MYO1F: variants seen among roughly 807,000 people sequenced by gnomAD.
The protein encoded by MYO1F is unconventional myosin-If.
MYO1F carries 60 observed loss-of-function variants against 146.6 expected under a neutral mutation model. The ratio of observed to expected loss-of-function variants is 0.41; its 90% CI spans 0.33 to 0.51. The LOEUF (loss-of-function observed/expected upper bound fraction) is 0.51. Among genes scored for constraint, MYO1F ranks in the 20% least tolerant of loss-of-function variants. The pLI is 0.25. For synonymous variants in MYO1F, 602 were observed against 602.1 expected (o/e 1.00, Z 0.00); for missense variants, 1,274 against 1,534.3 (o/e 0.83, Z 2.83).
chr19:8,544,718 C>A lies in MYO1F; in HGVS notation c.1357-254G>T, dbSNP rs562205481. On this transcript the variant is annotated intron_variant, in intron 13 of 27. Coordinates refer to ENST00000644032, the MANE Select transcript of MYO1F (RefSeq NM_012335.4). Reference sequence around the variant, plus strand: ...GCTGAGGTGCAGAAGTGGGTGGGGACCCCTCAAGAGATTCAGGCCCCAGAC... The same window carrying A: ...GCTGAGGTGCAGAAGTGGGTGGGGAACCCTCAAGAGATTCAGGCCCCAGAC... Among the ~76,000 whole-genome samples the A allele has an allele frequency of 2.9e-3, 434 of 152,150 alleles. 3 individuals carry two copies. The highest frequency in any genetic ancestry group is 0.01 in the African/African-American group (419 of 41,500).
rs966404946 is a variant in MYO1F at position 8,563,691 on chromosome 19, T to G, written c.4-7895A>C. On this transcript the variant is annotated intron_variant, in intron 1 of 27. Coordinates refer to ENST00000644032, the MANE Select transcript of MYO1F (RefSeq NM_012335.4). ...GCCCAGCTAATTTTTTTTGTATTTTTAGTAGAGATGGGCTTTCACTATGTT... is the reference window on the plus strand; with the variant it reads ...GCCCAGCTAATTTTTTTTGTATTTTGAGTAGAGATGGGCTTTCACTATGTT... Among the ~76,000 whole-genome samples the G allele has an allele frequency of 2.5e-4, 38 of 151,596 alleles. 1 individual carries two copies. Among genetic ancestry groups the G allele is most frequent in the Admixed American group, 1.2e-3 (18 of 15,162 alleles).
At chr19:8,541,802 T>C in intron 15 of MYO1F, 104 bp downstream of exon 15, 1 of 1,050,890 alleles carries the variant, frequency 9.5e-7, no homozygotes, top group Non-Finnish European at 1.5e-6. Context: ...CCCCTCGAGT[T>C]TGTGGCGAGA....
At chr19:8,553,032 C>CA in intron 6 of MYO1F, 107 bp downstream of exon 6, 1 of 1,113,876 alleles carries the variant, frequency 9.0e-7, no homozygotes, top group Non-Finnish European at 1.4e-6. Context: ...GCTGGGTTTT[C>CA]AATGGACTCT....
intron 19 of MYO1F, among the ~76,000 whole-genome samples, chr19:8,533,210 G>T (rs1340258694): frequency 6.6e-6 from 1 of 151,736 alleles, no homozygotes; most frequent in Admixed American, 6.6e-5. Context: ...TGGTAGAGAG[G>T]TAGAGTTGGG....
intron 22 of MYO1F, 83 bp from the exon 23 acceptor site, chr19:8,527,018 G>T: frequency 6.4e-7 from 1 of 1,565,324 alleles, no homozygotes. Context: ...GGCTGAAGGT[G>T]GATTTAGGGA....
At chr19:8,561,614 T>C (rs942636419) in intron 1 of MYO1F, among the ~76,000 whole-genome samples, 13 of 143,446 alleles carry the variant, frequency 9.1e-5, no homozygotes, top group African/African-American at 3.3e-4. Flanking sequence ...TTTTTCTTTC[T>C]CTCTTTCTTT....
In MYO1F at chr19:8,545,630, A is replaced by G. The variant is rs879199500; in HGVS notation, c.1356+20T>C. The G allele has an allele frequency of 6.2e-7, 1 of 1,608,364 alleles. No homozygotes were observed. Among genetic ancestry groups the G allele is most frequent in the Non-Finnish European group, 8.5e-7 (1 of 1,174,820 alleles). On this transcript the variant is annotated intron_variant, in intron 13 of 27. Transcript: ENST00000644032. ...AGGGGACCAGTGAGACGCCCCCGCC[A>G]AAGTTGACCCAGCCCTCACCAGCTT...
chr19:8,545,511 T>G lies in MYO1F; in HGVS notation c.1356+139A>C, dbSNP rs2967777. On this transcript the variant is annotated intron_variant, in intron 13 of 27. Coordinates refer to ENST00000644032, the MANE Select transcript of MYO1F (RefSeq NM_012335.4). ...GGGGCGGAAGGGACATTTTGGTTGT[T>G]ATCTGTCGCTGGAAGTCCTGAGTGT... is the stretch of plus-strand genomic sequence containing the variant. 0.21 allele frequency: 162,803 copies of G among 767,276 alleles called. 26,058 individuals are homozygous for G. The highest frequency in any genetic ancestry group is 0.69 in the African/African-American group (40,298 of 58,688). The allele number at this position is 767,276 out of a possible 1,614,324, so 47.5% of individuals were successfully genotyped here.
intron 1 of MYO1F, among the ~76,000 whole-genome samples, chr19:8,575,270 T>C (rs985094375): frequency 6.6e-6 from 1 of 151,390 alleles, no homozygotes; most frequent in East Asian, 2.0e-4. Flanking sequence ...AGAGACGGGG[T>C]CTCACCACGT....
At chr19:8,540,950 G>C (rs1416167387) in intron 15 of MYO1F, among the ~76,000 whole-genome samples, 1 of 152,042 alleles carries the variant, frequency 6.6e-6, no homozygotes, top group Non-Finnish European at 1.5e-5. Context: ...ATCAGATGCA[G>C]ATTCTGATTC....
intron 19 of MYO1F, among the ~76,000 whole-genome samples, chr19:8,531,222 C>T (rs912408267): frequency 5.3e-5 from 8 of 151,744 alleles, no homozygotes; most frequent in Non-Finnish European, 1.0e-4. Flanking sequence ...TGGCACATGC[C>T]TGTAATACCA....
Position 8,577,282 on chromosome 19 carries a change from CA to C in MYO1F, c.3+24del. The C allele has an allele frequency of 6.2e-7, 1 of 1,613,468 alleles. No individual in the cohort carries two copies. The highest frequency in any genetic ancestry group is 1.7e-5 in the Admixed American group (1 of 59,904). On this transcript the variant is annotated intron_variant, in intron 1 of 27. Transcript: ENST00000644032. The surrounding 1 kb of genome is among the most constrained non-coding windows in gnomAD (Gnocchi z 4.3). ...CTGGTGTCCCTCCTCTTTCTTCTTCCAGATCCCACCCTTGAAGGACTTACCA... is the reference window on the plus strand; with the variant it reads ...CTGGTGTCCCTCCTCTTTCTTCTTCCGATCCCACCCTTGAAGGACTTACCA...
At chr19:8,544,135 T>G in intron 14 of MYO1F, 162 bp downstream of exon 14, 3 of 749,284 alleles carry the variant, frequency 4.0e-6, no homozygotes, top group Non-Finnish European at 4.4e-6. Flanking sequence ...TAGTTCTGGT[T>G]AGTAGGGGGT....
chr19:8,531,015 G>A (rs1335445051), intron 19 of MYO1F, among the ~76,000 whole-genome samples: 1 of 152,018 alleles, frequency 6.6e-6, no homozygotes, highest in Non-Finnish European at 1.5e-5. Context: ...TTGCACTCCA[G>A]CCTGGACAAC....
intron 1 of MYO1F, among the ~76,000 whole-genome samples, chr19:8,574,957 T>A (rs576137126): frequency 6.6e-6 from 1 of 151,826 alleles, no homozygotes; most frequent in South Asian, 2.1e-4. Context: ...GGTTTTGCCA[T>A]GTTGGCCAGG....
At chr19:8,535,873 C>T (rs898907712) in intron 19 of MYO1F, among the ~76,000 whole-genome samples, 6 of 151,534 alleles carry the variant, frequency 4.0e-5, no homozygotes, top group Admixed American at 1.3e-4. Flanking sequence ...AGTAGAGACG[C>T]GGTTTCACTG....
chr19:8,572,290 CAG>C (rs2042125449), intron 1 of MYO1F, among the ~76,000 whole-genome samples: 1 of 151,768 alleles, frequency 6.6e-6, no homozygotes, highest in Non-Finnish European at 1.5e-5. Flanking sequence ...CCCTCTGAGA[CAG>C]AGTCTCGCTC....
chr19:8,553,611 G>A (rs763010224), intron 4 of MYO1F, among the ~76,000 whole-genome samples, 174 bp from the exon 5 acceptor site: 11 of 152,098 alleles, frequency 7.2e-5, no homozygotes, highest in Non-Finnish European at 1.3e-4. Flanking sequence ...GGTGGCTCCT[G>A]CCTGTAATCC....
rs781059040 is a variant in MYO1F at position 8,566,161 on chromosome 19, CTTTTTTTTTT to C, written c.4-10375_4-10366del. 3.8e-5 allele frequency among the ~76,000 whole-genome samples: 3 copies of C among 78,338 alleles called. No homozygotes were observed. In the South Asian group the frequency reaches 1.6e-3, roughly 41 times the overall value. The allele number at this position is 78,338 out of a possible 152,430, so 51.4% of individuals were successfully genotyped here. ...CTGTGTACCAGGCTCCAGTCTATGT[CTTTTTTTTTT>C]TTTTTTTTTTTTTTGAGATGGAGTC... On this transcript the variant is annotated intron_variant, in intron 1 of 27. Transcript: ENST00000644032.
Sources: allele counts gnomAD v4.1 joint callset (sites outside exome capture counted in the v4.1 genomes callset), GRCh38; gene constraint gnomAD v4.1.1; non-coding constraint Gnocchi (gnomAD v3.1); transcripts MANE v1.5; gene names NCBI Gene and HGNC (gene_info 2026-07-23, HGNC 2026-07-21).